Variants in CASTOR2 observed in about 807,000 individuals in gnomAD.
The protein encoded by CASTOR2 is GATS protein like 2.
CASTOR2 carries 8 observed loss-of-function variants against 31.2 expected under a neutral mutation model. The ratio of observed to expected loss-of-function variants is 0.26; its 90% confidence interval spans 0.15 to 0.46. CASTOR2 has a LOEUF of 0.46. Among genes scored for constraint, CASTOR2 ranks in the 20% least tolerant of loss-of-function variants. The probability of loss-of-function intolerance (pLI) is 0.99; values close to 1 mark genes in which losing one functional copy is unlikely to be tolerated. For synonymous variants in CASTOR2, 162 were observed against 158.7 expected, an observed-to-expected ratio of 1.02 and a Z score of -0.16; for missense variants, 216 against 382.1, an observed-to-expected ratio of 0.57 and a Z score of 3.62.
At position 74,972,530 on chromosome 7, in the gene CASTOR2, C is replaced by T. The variant is rs1464430009; in HGVS notation, c.113+7432C>T. ...CAGGCAAGTATGCAGTAAGCATGGG[C>T]CCATGGAAACTTCCTGCTGCCTTCC... On this transcript the variant is annotated intron_variant, in intron 1 of 8. Coordinates refer to ENST00000616305, the MANE Select transcript of CASTOR2 (RefSeq NM_001145064.3). Among the ~76,000 whole-genome samples the T allele has an allele frequency of 2.0e-5, 3 of 150,168 alleles. 1 individual carries two copies. Among genetic ancestry groups the T allele is most frequent in the Non-Finnish European group, 4.5e-5 (3 of 67,336 alleles).
intron 1 of CASTOR2, among the ~76,000 whole-genome samples, chr7:74,985,656 G>A (rs1189343858): frequency 6.8e-6 from 1 of 146,014 alleles, no homozygotes; most frequent in African/African-American, 2.5e-5. Context: ...TCTCATCCCA[G>A]CTCTGCCCTC....
chr7:75,026,969 A>G lies in CASTOR2; in HGVS notation c.*2270A>G, dbSNP rs1405308823. Reference sequence around the variant, plus strand: ...ACCTGTGTTTTATGTTGATAGAGATATATACTGTAAATAGCATATATACTT... The same window carrying G: ...ACCTGTGTTTTATGTTGATAGAGATGTATACTGTAAATAGCATATATACTT... On this transcript the variant is annotated 3_prime_UTR_variant, in exon 9 of 9. Coordinates refer to ENST00000616305, the MANE Select transcript of CASTOR2 (RefSeq NM_001145064.3). 3.9e-5 allele frequency among the ~76,000 whole-genome samples: 6 copies of G among 152,198 alleles called. No individual in the cohort carries two copies. The highest frequency in any genetic ancestry group is 3.9e-4 in the Admixed American group (6 of 15,278).
intron 1 of CASTOR2, among the ~76,000 whole-genome samples, chr7:74,984,468 C>G (rs1283916953): frequency 1.3e-5 from 2 of 152,138 alleles, no homozygotes; most frequent in African/African-American, 4.8e-5. Context: ...GACCTGCCAA[C>G]CATGGTTGCC....
intron 2 of CASTOR2, among the ~76,000 whole-genome samples, chr7:75,010,773 C>G (rs1186843715): frequency 6.6e-6 from 1 of 152,044 alleles, no homozygotes; most frequent in South Asian, 2.1e-4. Context: ...GGGTGCGTTT[C>G]CTGGTCAGCA....
intron 1 of CASTOR2, among the ~76,000 whole-genome samples, chr7:74,975,860 C>T (rs1803795861): frequency 7.5e-6 from 1 of 134,070 alleles, no homozygotes; most frequent in Non-Finnish European, 1.6e-5. Flanking sequence ...TCTCCCAGAT[C>T]CCTTGCTCTG....
intron 1 of CASTOR2, among the ~76,000 whole-genome samples, chr7:74,985,489 G>C (rs2131924902): frequency 6.7e-6 from 1 of 149,484 alleles, no homozygotes; most frequent in South Asian, 2.1e-4. Flanking sequence ...GCTTAGGTGG[G>C]AGGATCACTT....
chr7:75,002,494 G>A (rs1323878051), intron 1 of CASTOR2, among the ~76,000 whole-genome samples: 18 of 152,064 alleles, frequency 1.2e-4, no homozygotes, highest in African/African-American at 2.7e-4. Context: ...GGTGGCAGGC[G>A]CCTGTAATCC....
At chr7:74,999,426 A>T (rs1412536012) in intron 1 of CASTOR2, among the ~76,000 whole-genome samples, 7 of 151,892 alleles carry the variant, frequency 4.6e-5, no homozygotes, top group Non-Finnish European at 7.4e-5. Flanking sequence ...GTTGCTAAGG[A>T]CAGGAGAAAT....
intron 1 of CASTOR2, among the ~76,000 whole-genome samples, chr7:74,986,886 A>C (rs1303629968): frequency 6.6e-6 from 1 of 151,600 alleles, no homozygotes; most frequent in African/African-American, 2.4e-5. Context: ...ATCTTGATAA[A>C]ATTTTTTAAA....
rs1353819769 is a variant in CASTOR2, at chr7:75,025,966, G to A, written c.*1267G>A. 6.6e-6 allele frequency among the ~76,000 whole-genome samples: 1 copy of A among 152,124 alleles called. No homozygotes were observed. Among genetic ancestry groups the A allele is most frequent in the Non-Finnish European group, 1.5e-5 (1 of 68,028 alleles). On this transcript the variant is annotated 3_prime_UTR_variant, in exon 9 of 9. Coordinates refer to ENST00000616305, the MANE Select transcript of CASTOR2 (RefSeq NM_001145064.3). ...AGATCTGTTACAAGACGCTGGAGCCGCTGGCACCCCACATGGGAACTCCCA... is the reference window on the plus strand; with the variant it reads ...AGATCTGTTACAAGACGCTGGAGCCACTGGCACCCCACATGGGAACTCCCA...
intron 1 of CASTOR2, among the ~76,000 whole-genome samples, chr7:74,990,420 C>CA (rs1229581096): frequency 1.3e-5 from 2 of 150,960 alleles, no homozygotes; most frequent in Non-Finnish European, 3.0e-5. Flanking sequence ...ACAACAACAA[C>CA]AAAAAAACAT....
Position 75,017,986 on chromosome 7 carries a change from C to A in CASTOR2, c.379-4C>A. 6.2e-7 allele frequency: 1 copy of A among 1,614,220 alleles called. No individual in the cohort carries two copies. Among genetic ancestry groups the A allele is most frequent in the Non-Finnish European group, 8.5e-7 (1 of 1,180,044 alleles). On this transcript the variant is annotated splice_polypyrimidine_tract_variant and splice_region_variant and intron_variant, in intron 3 of 8. Coordinates refer to ENST00000616305, the MANE Select transcript of CASTOR2 (RefSeq NM_001145064.3). ...CACACACGGCCTCAACTTCTTGCCC[C>A]TAGGTGCGCGAGCGGGACCTGCCCT...
intron 1 of CASTOR2, among the ~76,000 whole-genome samples, chr7:74,999,524 C>T (rs1804441539): frequency 6.8e-6 from 1 of 146,468 alleles, no homozygotes; most frequent in Admixed American, 6.9e-5. Context: ...AAGCTGGGCA[C>T]TCACCCTCCC....
intron 1 of CASTOR2, among the ~76,000 whole-genome samples, chr7:75,005,466 G>A (rs1424760458): frequency 2.0e-5 from 3 of 152,152 alleles, no homozygotes; most frequent in African/African-American, 7.2e-5. Context: ...ATGTGGACAT[G>A]CCTTAGTTTA....
chr7:74,977,742 T>A (rs1803854338), intron 1 of CASTOR2, among the ~76,000 whole-genome samples: 1 of 150,322 alleles, frequency 6.7e-6, no homozygotes, highest in South Asian at 2.1e-4. Flanking sequence ...AGTGATGCAA[T>A]CTCAGCTCAC....
intron 1 of CASTOR2, among the ~76,000 whole-genome samples, chr7:75,007,315 G>A (rs1277616364): frequency 3.9e-5 from 6 of 152,220 alleles, no homozygotes; most frequent in African/African-American, 1.4e-4. Flanking sequence ...AGGCCAGCAG[G>A]GTCAGGGTTC....
intron 1 of CASTOR2, among the ~76,000 whole-genome samples, chr7:74,991,488 T>A (rs1804210686): frequency 2.0e-5 from 3 of 147,906 alleles, no homozygotes; most frequent in Non-Finnish European, 4.5e-5. Flanking sequence ...GCAGAGTCAA[T>A]CAGCAAATAC....
intron 2 of CASTOR2, among the ~76,000 whole-genome samples, chr7:75,013,615 C>T (rs1194346735): frequency 2.6e-5 from 4 of 151,914 alleles, no homozygotes; most frequent in Admixed American, 1.3e-4. Context: ...TGCACTCCAG[C>T]CTGGGTGATA....
chr7:74,979,470 C>T (rs1420026009), intron 1 of CASTOR2, among the ~76,000 whole-genome samples: 134 of 102,188 alleles, frequency 1.3e-3, no homozygotes, highest in East Asian at 7.3e-3. Flanking sequence ...CGGCTCAGTA[C>T]AGCCTCTGCC....
Sources: gnomAD v4.1 joint callset for allele counts (sites outside exome capture counted in the v4.1 genomes callset) on GRCh38, gnomAD v4.1.1 for gene constraint, MANE v1.5 for transcripts, NCBI Gene and HGNC (gene_info 2026-07-23, HGNC 2026-07-21) for gene names.